MDGA2: variants seen among roughly 807,000 people sequenced by gnomAD.
MDGA2 encodes MAM domain-containing glycosylphosphatidylinositol anchor protein 2.
MDGA2 carries 40 observed loss-of-function variants against 117.8 expected under a neutral mutation model. The observed-to-expected ratio is 0.34, with a 90% confidence interval of 0.26 to 0.44. The LOEUF (loss-of-function observed/expected upper bound fraction) is 0.44, where lower values mean the gene tolerates loss of function less well. MDGA2 is among the 20% of genes least tolerant of loss of function. MDGA2 has a pLI of 1.00. For synonymous variants in MDGA2, 452 were observed against 439.0 expected (o/e 1.03, Z -0.37); for missense variants, 1,123 against 1,250.6 (o/e 0.90, Z 1.54).
intron 6 of MDGA2, among the ~76,000 whole-genome samples, chr14:47,065,462 T>C (rs996846947): frequency 2.6e-5 from 4 of 152,144 alleles, no homozygotes; most frequent in African/African-American, 7.2e-5. Context: ...AATGGAAGAC[T>C]CCTGTTATGT....
chr14:47,674,909 G>C lies in MDGA2; in HGVS notation c.-113C>G. 7.5e-6 allele frequency: 4 copies of C among 536,696 alleles called. No individual in the cohort carries two copies. The highest frequency in any genetic ancestry group is 4.1e-5 in the Admixed American group (1 of 24,250). 33.2% of individuals were successfully genotyped at this position (536,696 alleles called of 1,614,324 possible). On this transcript the variant is annotated 5_prime_UTR_variant, in exon 1 of 17. Coordinates refer to ENST00000399232, the MANE Select transcript of MDGA2 (RefSeq NM_001113498.3). ...TGCCTGGGAAAATCGCAGACGCCGGGGAGGAGCAGGGGGCGGTGATGGGAA... is the reference window on the plus strand; with the variant it reads ...TGCCTGGGAAAATCGCAGACGCCGGCGAGGAGCAGGGGGCGGTGATGGGAA...
chr14:47,209,952 G>T (rs572182235), intron 3 of MDGA2, among the ~76,000 whole-genome samples: 2 of 152,182 alleles, frequency 1.3e-5, no homozygotes, highest in South Asian at 4.1e-4. Context: ...TCTTTCCAGG[G>T]TTTGTCACGT....
At chr14:47,435,953 G>A (rs546324861) in intron 1 of MDGA2, among the ~76,000 whole-genome samples, 3 of 152,022 alleles carry the variant, frequency 2.0e-5, no homozygotes, top group Admixed American at 6.6e-5. Context: ...TAAAATCATG[G>A]GCTTTTTTCT....
intron 1 of MDGA2, among the ~76,000 whole-genome samples, chr14:47,594,022 A>G (rs1404460483): frequency 2.0e-5 from 3 of 152,218 alleles, no homozygotes; most frequent in Admixed American, 6.5e-5. Flanking sequence ...AATGACTAGC[A>G]AAACTGTAGA....
chr14:46,933,840 A>C (rs1434457294), intron 9 of MDGA2, among the ~76,000 whole-genome samples: 1 of 74,760 alleles, frequency 1.3e-5, no homozygotes, highest in South Asian at 7.4e-4. Context: ...ATATATATAT[A>C]TATATATATA....
chr14:47,075,041 C>G (rs1289724168), intron 6 of MDGA2, among the ~76,000 whole-genome samples: 1 of 152,118 alleles, frequency 6.6e-6, no homozygotes, highest in East Asian at 1.9e-4. Context: ...AACCTTTCCC[C>G]GCATTTCCTT....
At chr14:47,578,576 T>G (rs1896168941) in intron 1 of MDGA2, among the ~76,000 whole-genome samples, 1 of 152,084 alleles carries the variant, frequency 6.6e-6, no homozygotes, top group Admixed American at 6.6e-5. Context: ...ATCACCAAAA[T>G]AGGGCAAAAT....
At chr14:47,111,540 A>T (rs1322652150) in intron 5 of MDGA2, among the ~76,000 whole-genome samples, 1 of 152,194 alleles carries the variant, frequency 6.6e-6, no homozygotes, top group Non-Finnish European at 1.5e-5. Flanking sequence ...GAACCACATA[A>T]GTCATAATTA....
intron 1 of MDGA2, among the ~76,000 whole-genome samples, chr14:47,339,923 T>A (rs1008007392): frequency 6.6e-6 from 1 of 152,166 alleles, no homozygotes; most frequent in Non-Finnish European, 1.5e-5. Flanking sequence ...ACACAGGTGT[T>A]TTCCCTAGTA....
At chr14:46,863,817 G>T (rs1881610844) in intron 14 of MDGA2, among the ~76,000 whole-genome samples, 1 of 152,052 alleles carries the variant, frequency 6.6e-6, no homozygotes, top group Admixed American at 6.6e-5. Context: ...TTCAAACCTG[G>T]ATTCTAAAAA....
chr14:47,128,479 TAAAG>T (rs954631109), intron 5 of MDGA2, among the ~76,000 whole-genome samples: 1 of 152,046 alleles, frequency 6.6e-6, no homozygotes, highest in African/African-American at 2.4e-5. Context: ...TCAAAAAAAT[TAAAG>T]AAGCTAAGAA....
chr14:47,501,283 T>C (rs1894393432), intron 1 of MDGA2, among the ~76,000 whole-genome samples: 1 of 152,102 alleles, frequency 6.6e-6, no homozygotes, highest in South Asian at 2.1e-4. Flanking sequence ...CTGAAGGGCA[T>C]TTCTAAAAAA....
intron 1 of MDGA2, among the ~76,000 whole-genome samples, chr14:47,356,659 C>A (rs542785935): frequency 6.6e-6 from 1 of 152,220 alleles, no homozygotes; most frequent in East Asian, 1.9e-4. Flanking sequence ...GTTGTGTGGA[C>A]CTCACCCCTA....
At chr14:47,239,985 C>T (rs1010497210) in intron 2 of MDGA2, among the ~76,000 whole-genome samples, 2 of 151,620 alleles carry the variant, frequency 1.3e-5, no homozygotes, top group African/African-American at 4.8e-5. Context: ...AGAGCTGATA[C>T]AACACAAAGT....
chr14:47,475,949 C>T (rs1543412), intron 1 of MDGA2, among the ~76,000 whole-genome samples: 112,085 of 152,170 alleles, frequency 0.74, 41,834 homozygotes, highest in East Asian at 1. Flanking sequence ...CCATGACATA[C>T]GTTTTCACCT....
chr14:47,496,246 T>G (rs564681792), intron 1 of MDGA2, among the ~76,000 whole-genome samples: 1 of 152,144 alleles, frequency 6.6e-6, no homozygotes, highest in East Asian at 1.9e-4. Flanking sequence ...GCTTACAAAA[T>G]TTTATTTATT....
chr14:46,873,988 A>T, intron 13 of MDGA2, 57 bp downstream of exon 13: 1 of 1,329,726 alleles, frequency 7.5e-7, no homozygotes, highest in Non-Finnish European at 1.0e-6. Context: ...TTTCATATTT[A>T]TAGCAGTTTT....
At chr14:47,658,335 T>A (rs1897783493) in intron 1 of MDGA2, among the ~76,000 whole-genome samples, 1 of 152,134 alleles carries the variant, frequency 6.6e-6, no homozygotes, top group Non-Finnish European at 1.5e-5. Flanking sequence ...ATCCATCAGC[T>A]GTGACCTGAG....
intron 8 of MDGA2, among the ~76,000 whole-genome samples, chr14:46,982,734 A>AAAAAAAAAAAAATAATAAT (rs1449356596): frequency 1.5e-5 from 2 of 130,326 alleles, no homozygotes; most frequent in Non-Finnish European, 3.4e-5. Context: ...AAAAAAAAAA[A>AAAAAAAAAAAAATAATAAT]AATCATGTCA....
Sources: allele counts gnomAD v4.1 joint callset (sites outside exome capture counted in the v4.1 genomes callset), GRCh38; gene constraint gnomAD v4.1.1; transcripts MANE v1.5; gene names NCBI Gene and HGNC (gene_info 2026-07-23, HGNC 2026-07-21).